The following SUGCT variants were observed in gnomAD, a reference collection of about 807,000 sequenced individuals.
The protein encoded by SUGCT is succinyl-CoA:glutarate-CoA transferase, also known as succinyl-CoA:glutarate CoA-transferase.
A neutral mutation model predicts 55.0 loss-of-function variants in SUGCT; 41 were observed. The observed-to-expected ratio is 0.74, with a 90% CI of 0.58 to 0.97. SUGCT has a LOEUF of 0.97. Ranked by LOEUF, SUGCT falls within the 50% of genes least tolerant of loss-of-function variation. The pLI, the probability that SUGCT is intolerant of heterozygous loss-of-function variation, is 0.00. For missense variants in SUGCT, 568 were observed against 547.8 expected, an observed-to-expected ratio of 1.04 and a Z score of -0.37; for synonymous variants, 187 against 200.4, an observed-to-expected ratio of 0.93 and a Z score of 0.56.
chr7:41,002,331 A>T, the SUGCT span, among the ~76,000 whole-genome samples: 8 of 152,176 alleles, frequency 5.3e-5, no homozygotes, highest in Non-Finnish European at 1.2e-4. Context: ...GAGAATGCGA[A>T]CTTTATCCTT....
the SUGCT span, among the ~76,000 whole-genome samples, chr7:40,980,861 TAA>T: frequency 1.3e-5 from 2 of 152,132 alleles, no homozygotes; most frequent in East Asian, 3.9e-4. Context: ...CAAGCCAGGC[TAA>T]GTTTTTGTAT....
intron 13 of SUGCT, among the ~76,000 whole-genome samples, chr7:40,851,292 G>A (rs995809979): frequency 5.3e-5 from 8 of 151,568 alleles, no homozygotes; most frequent in Admixed American, 3.3e-4. Flanking sequence ...CCTCCTTTGT[G>A]ATTTAGGCAT....
intron 6 of SUGCT, among the ~76,000 whole-genome samples, chr7:40,204,705 G>A (rs1786853085): frequency 6.6e-6 from 1 of 150,768 alleles, no homozygotes; most frequent in Admixed American, 6.6e-5. Flanking sequence ...CAAGAGGATT[G>A]CGTGAGGGTC....
At chr7:40,207,190 C>G (rs893005590) in intron 6 of SUGCT, among the ~76,000 whole-genome samples, 1 of 151,960 alleles carries the variant, frequency 6.6e-6, no homozygotes, top group Non-Finnish European at 1.5e-5. Flanking sequence ...GAGCAAAGAT[C>G]TGGCTCAAAA....
At chr7:40,508,093 C>T (rs1792708665) in intron 12 of SUGCT, among the ~76,000 whole-genome samples, 1 of 152,174 alleles carries the variant, frequency 6.6e-6, no homozygotes, top group South Asian at 2.1e-4. Flanking sequence ...TACCTTTCTG[C>T]CAGGCCAAAA....
chr7:41,035,221 C>G, the SUGCT span, among the ~76,000 whole-genome samples: 2 of 152,304 alleles, frequency 1.3e-5, no homozygotes, highest in African/African-American at 4.8e-5. Flanking sequence ...TTTTTCTTGG[C>G]TATTGAATGC....
the SUGCT span, among the ~76,000 whole-genome samples, chr7:41,006,529 A>G: frequency 6.6e-6 from 1 of 152,194 alleles, no homozygotes; most frequent in Non-Finnish European, 1.5e-5. Context: ...CATTTATTGG[A>G]CTTGACTTTC....
At chr7:40,272,147 T>C (rs1238052382) in intron 7 of SUGCT, among the ~76,000 whole-genome samples, 8 of 1,966 alleles carry the variant, frequency 4.1e-3, no homozygotes, top group African/African-American at 9.6e-3. Flanking sequence ...GTGACATATA[T>C]ATATATATAT....
chr7:40,621,105 C>G (rs535407541), intron 12 of SUGCT, among the ~76,000 whole-genome samples: 2 of 152,192 alleles, frequency 1.3e-5, no homozygotes, highest in South Asian at 4.1e-4. Context: ...TTCCTTCTAT[C>G]ATCACAGGCT....
At chr7:40,234,584 T>G (rs1344179967) in intron 6 of SUGCT, among the ~76,000 whole-genome samples, 1 of 152,178 alleles carries the variant, frequency 6.6e-6, no homozygotes, top group African/African-American at 2.4e-5. Flanking sequence ...AAAACTGTAA[T>G]TTACCTGAAT....
At chr7:40,721,912 A>C (rs1310699361) in intron 12 of SUGCT, among the ~76,000 whole-genome samples, 1 of 152,226 alleles carries the variant, frequency 6.6e-6, no homozygotes, top group Non-Finnish European at 1.5e-5. Flanking sequence ...AGTTGGACAC[A>C]TTTCAAGAAT....
At chr7:40,251,826 C>A in intron 7 of SUGCT, among the ~76,000 whole-genome samples, 1 of 151,958 alleles carries the variant, frequency 6.6e-6, no homozygotes. Context: ...GCTGTCCACA[C>A]AGGCAGCACT....
chr7:40,972,480 T>G, the SUGCT span, among the ~76,000 whole-genome samples: 1 of 152,156 alleles, frequency 6.6e-6, no homozygotes, highest in Admixed American at 6.5e-5. Context: ...TCCCCTTGCT[T>G]CCAAGCCCCA....
At chr7:40,737,851 G>A (rs1409047552) in intron 12 of SUGCT, among the ~76,000 whole-genome samples, 3 of 152,028 alleles carry the variant, frequency 2.0e-5, no homozygotes, top group Non-Finnish European at 4.4e-5. Flanking sequence ...TATAACCCAG[G>A]AGGTGGAGGT....
chr7:40,856,195 C>A (rs1794162167), intron 13 of SUGCT, among the ~76,000 whole-genome samples: 1 of 152,184 alleles, frequency 6.6e-6, no homozygotes, highest in Non-Finnish European at 1.5e-5. Flanking sequence ...TCCATGTGGG[C>A]TGTAAATTTG....
rs562994968 is a variant in SUGCT, at chr7:40,326,730, T to C, written c.816+9875T>C. On this transcript the variant is annotated intron_variant, in intron 9 of 13. Transcript: ENST00000335693. ...GTAAGGCTTCTAGTTTATTGAATGG[T>C]TTAATTAATTGAGATTGGGTATAGA... Among the ~76,000 whole-genome samples the C allele has an allele frequency of 5.3e-4, 81 of 152,288 alleles. 1 individual carries two copies. Among genetic ancestry groups the C allele is most frequent in the African/African-American group, 1.9e-3 (78 of 41,568 alleles).
intron 8 of SUGCT, among the ~76,000 whole-genome samples, chr7:40,289,839 CA>C (rs1304918737): frequency 6.6e-6 from 1 of 151,978 alleles, no homozygotes. Context: ...ACAAAAATCA[CA>C]AGCATTCTTA....
At chr7:40,969,117 T>C in the SUGCT span, among the ~76,000 whole-genome samples, 1 of 152,234 alleles carries the variant, frequency 6.6e-6, no homozygotes, top group South Asian at 2.1e-4. Context: ...ACTTAAGAGA[T>C]AGTTCTTTAA....
chr7:40,438,457 G>A (rs1053421972), intron 9 of SUGCT, among the ~76,000 whole-genome samples: 13 of 152,130 alleles, frequency 8.5e-5, no homozygotes, highest in East Asian at 1.9e-4. Context: ...CACGATGAGC[G>A]TATGATGAAA....
Sources: allele counts gnomAD v4.1 joint callset (sites outside exome capture counted in the v4.1 genomes callset), GRCh38; gene constraint gnomAD v4.1.1; transcripts MANE v1.5; gene names NCBI Gene and HGNC (gene_info 2026-07-23, HGNC 2026-07-21).